Variants in DPH6 observed in about 807,000 individuals in gnomAD.
DPH6 encodes diphthine--ammonia ligase.
Under a neutral mutation model 38.2 loss-of-function variants are expected in DPH6, and 33 were observed. The observed-to-expected ratio is 0.86, with a 90% CI of 0.65 to 1.15. DPH6 has a LOEUF of 1.15. DPH6 is among the 50% of genes most tolerant of loss of function. The pLI, the probability that DPH6 is intolerant of heterozygous loss-of-function variation, is 0.00. For synonymous variants in DPH6, 108 were observed against 103.0 expected (o/e 1.05, Z -0.30); for missense variants, 325 against 320.0 (o/e 1.02, Z -0.12).
intron 3 of DPH6, among the ~76,000 whole-genome samples, chr15:35,312,847 T>G (rs1435042897): frequency 6.6e-6 from 1 of 152,120 alleles, no homozygotes; most frequent in African/African-American, 2.4e-5. Flanking sequence ...GGGATTCATA[T>G]CTGGGTTCTC....
intron 7 of DPH6, 46 bp downstream of exon 7, chr15:35,381,776 A>T: frequency 6.7e-7 from 1 of 1,492,444 alleles, no homozygotes; most frequent in Non-Finnish European, 9.3e-7. Flanking sequence ...TGCTTCCATC[A>T]CTTAAATTTA....
intron 3 of DPH6, among the ~76,000 whole-genome samples, chr15:35,355,384 T>C (rs1371912120): frequency 6.6e-6 from 1 of 152,226 alleles, no homozygotes; most frequent in African/African-American, 2.4e-5. Flanking sequence ...CTAGCCTCGA[T>C]GGTCTTTACA....
At chr15:35,270,051 G>C (rs912691577) in intron 3 of DPH6, among the ~76,000 whole-genome samples, 1 of 151,500 alleles carries the variant, frequency 6.6e-6, no homozygotes, top group Admixed American at 6.6e-5. Context: ...CGCCCGCCTC[G>C]GCCTCCCAAA....
chr15:35,237,773 C>T, intron 3 of DPH6: 3 of 1,608,906 alleles, frequency 1.9e-6, no homozygotes, highest in African/African-American at 1.3e-5. Flanking sequence ...CGGCTATGAC[C>T]GGGACGACAA....
rs540105606 is a variant in DPH6, at chr15:35,448,712, A to G, written c.505+1973T>C. 2.0e-5 allele frequency among the ~76,000 whole-genome samples: 3 copies of G among 152,254 alleles called. No homozygotes were observed. The East Asian group carries it at 5.8e-4, about 29-fold the overall frequency. ...ATTAAATTACAGTCTCCCACAAGGG[A>G]ACACTATACTACAATAAAAATAAAC... is the stretch of plus-strand genomic sequence containing the variant. On this transcript the variant is annotated intron_variant, in intron 5 of 8. Transcript: ENST00000256538.
chr15:35,407,044 C>T (rs1407274699), intron 6 of DPH6, among the ~76,000 whole-genome samples: 1 of 151,728 alleles, frequency 6.6e-6, no homozygotes, highest in African/African-American at 2.4e-5. Flanking sequence ...TGAGTAGCCT[C>T]ACAGAAGCCA....
intron 5 of DPH6, among the ~76,000 whole-genome samples, chr15:35,440,974 C>T (rs1370944265): frequency 2.6e-5 from 4 of 152,040 alleles, no homozygotes; most frequent in Admixed American, 1.3e-4. Context: ...AAACAAACAA[C>T]CCAATCAAAA....
At chr15:35,182,369 T>A in the DPH6 span, among the ~76,000 whole-genome samples, 1 of 151,820 alleles carries the variant, frequency 6.6e-6, no homozygotes, top group Non-Finnish European at 1.5e-5. Context: ...GGCTGAAAAT[T>A]TAATACGTTT....
intron 3 of DPH6, among the ~76,000 whole-genome samples, chr15:35,244,062 G>A (rs2051619143): frequency 1.3e-5 from 2 of 152,112 alleles, no homozygotes; most frequent in South Asian, 4.1e-4. Flanking sequence ...TAAAAGCTCT[G>A]AAGAATAAAC....
intron 3 of DPH6, among the ~76,000 whole-genome samples, chr15:35,232,265 T>C (rs1332457704): frequency 6.6e-6 from 1 of 152,172 alleles, no homozygotes; most frequent in East Asian, 1.9e-4. Context: ...CACTAATAAT[T>C]GACACAGAAC....
At chr15:35,416,409 A>G (rs1324495498) in intron 5 of DPH6, among the ~76,000 whole-genome samples, 1 of 151,992 alleles carries the variant, frequency 6.6e-6, no homozygotes, top group South Asian at 2.1e-4. Flanking sequence ...TTTTTTTGGC[A>G]TGAACAATGA....
At chr15:35,453,156 G>C (rs2053957553) in intron 4 of DPH6, among the ~76,000 whole-genome samples, 1 of 152,126 alleles carries the variant, frequency 6.6e-6, no homozygotes, top group African/African-American at 2.4e-5. Context: ...GAAGTTTCAA[G>C]GATAAAATAA....
At chr15:35,435,877 C>A (rs758196727) in intron 5 of DPH6, among the ~76,000 whole-genome samples, 8 of 152,062 alleles carry the variant, frequency 5.3e-5, no homozygotes, top group Non-Finnish European at 1.0e-4. Flanking sequence ...GTGGTCCCTT[C>A]TTCGCTCTCG....
chr15:35,528,858 T>A (rs888542393), intron 3 of DPH6, among the ~76,000 whole-genome samples: 2 of 152,160 alleles, frequency 1.3e-5, no homozygotes, highest in African/African-American at 4.8e-5. Context: ...TAAATTGAGT[T>A]TAGAAAATAC....
downstream of DPH6, among the ~76,000 whole-genome samples, chr15:35,329,662 G>C (rs1445037730): frequency 6.6e-6 from 1 of 152,102 alleles, no homozygotes; most frequent in Non-Finnish European, 1.5e-5. Flanking sequence ...GATCAGTTCT[G>C]TTCTTGCTAA....
At chr15:35,440,335 A>C (rs1230697041) in intron 5 of DPH6, among the ~76,000 whole-genome samples, 6 of 152,190 alleles carry the variant, frequency 3.9e-5, no homozygotes, top group Non-Finnish European at 8.8e-5. Flanking sequence ...TAGGCATGTC[A>C]ACAGCCTTGG....
At chr15:35,286,470 A>T (rs2051944659) in intron 3 of DPH6, among the ~76,000 whole-genome samples, 1 of 152,238 alleles carries the variant, frequency 6.6e-6, no homozygotes, top group Non-Finnish European at 1.5e-5. Context: ...CTTGCACAGC[A>T]TCCTTCAAAG....
intron 3 of DPH6, among the ~76,000 whole-genome samples, chr15:35,347,319 C>T (rs576187759): frequency 6.6e-6 from 1 of 152,000 alleles, no homozygotes; most frequent in South Asian, 2.1e-4. Context: ...GACAGAATTG[C>T]CTGTTTGTTT....
chr15:35,425,810 C>CAT (rs71741742), intron 5 of DPH6, among the ~76,000 whole-genome samples: 2,240 of 141,890 alleles, frequency 0.016, 34 homozygotes, highest in Admixed American at 0.049. Flanking sequence ...TATGACATGA[C>CAT]ATATATATAT....
Sources: gnomAD v4.1 joint callset for allele counts (sites outside exome capture counted in the v4.1 genomes callset) on GRCh38, gnomAD v4.1.1 for gene constraint, MANE v1.5 for transcripts, NCBI Gene and HGNC (gene_info 2026-07-23, HGNC 2026-07-21) for gene names.